Variants in TUSC3 observed in about 807,000 individuals in gnomAD.
TUSC3 encodes dolichyl-diphosphooligosaccharide--protein glycosyltransferase subunit TUSC3.
TUSC3 carries 45 observed loss-of-function variants against 44.8 expected under a neutral mutation model. That is an observed-to-expected ratio of 1.00 (90% CI 0.79 to 1.29). The LOEUF (loss-of-function observed/expected upper bound fraction) is 1.29. Ranked by LOEUF, TUSC3 falls within the 50% of genes most tolerant of loss-of-function variation. The pLI is 0.00. For synonymous variants in TUSC3, 212 were observed against 152.9 expected (o/e 1.39, Z -2.85); for missense variants, 519 against 437.9 (o/e 1.19, Z -1.65).
chr8:15,650,604 C>G lies in TUSC3; in HGVS notation c.309-93C>G. On this transcript the variant is annotated intron_variant, in intron 2 of 10. Coordinates refer to ENST00000503731, the MANE Select transcript of TUSC3 (RefSeq NM_006765.4). ...TTCTTACAGTCTGTACAAAAACTGG[C>G]CAGTGCTTGTCCTAGGGTTGTCTGT... 3 of 1,023,302 alleles carry G rather than the reference C, an allele frequency of 2.9e-6. No individual in the cohort carries two copies. The South Asian group carries it at 4.0e-5, about 14-fold the overall frequency. The allele number at this position is 1,023,302 out of a possible 1,614,324, so 63.4% of individuals were successfully genotyped here. A position where few individuals can be genotyped will look rare whatever the true frequency, so the allele number is the denominator to read the frequency against.
chr8:15,612,233 C>T (rs73193386), intron 1 of TUSC3, among the ~76,000 whole-genome samples: 1 of 152,218 alleles, frequency 6.6e-6, no homozygotes, highest in Non-Finnish European at 1.5e-5. Context: ...GGTAAACAAA[C>T]ACGTGAATAG....
At chr8:15,593,976 C>T (rs1332874638) in intron 1 of TUSC3, among the ~76,000 whole-genome samples, 1 of 152,142 alleles carries the variant, frequency 6.6e-6, no homozygotes, top group African/African-American at 2.4e-5. Context: ...GTCACTCTTT[C>T]TGCATAACTA....
At chr8:15,740,512 C>T (rs1288777540) in intron 7 of TUSC3, among the ~76,000 whole-genome samples, 6 of 148,764 alleles carry the variant, frequency 4.0e-5, no homozygotes, top group East Asian at 3.9e-4. Context: ...TTTGGAAAAA[C>T]GGGAGGAAAA....
intron 2 of TUSC3, among the ~76,000 whole-genome samples, chr8:15,532,078 T>C (rs1801458360): frequency 6.6e-6 from 1 of 152,212 alleles, no homozygotes; most frequent in South Asian, 2.1e-4. Context: ...TGTATATATG[T>C]CAAATGCACC....
At chr8:15,537,295 T>C (rs1335426188), upstream of TUSC3, among the ~76,000 whole-genome samples, 2 of 152,194 alleles carry the variant, frequency 1.3e-5, no homozygotes, top group Non-Finnish European at 2.9e-5. Context: ...ATTTTATCCA[T>C]AGCCTGGAAG....
chr8:15,631,668 T>TTGTGTGTGTGTGTG (rs147004169), intron 2 of TUSC3, among the ~76,000 whole-genome samples: 1 of 145,114 alleles, frequency 6.9e-6, no homozygotes, highest in Non-Finnish European at 1.5e-5. Context: ...TTTAAGGCTG[T>TTGTGTGTGTGTGTG]TGTGTGTGTG....
chr8:15,773,538 A>C, the TUSC3 span, among the ~76,000 whole-genome samples: 6 of 152,178 alleles, frequency 3.9e-5, no homozygotes, highest in African/African-American at 1.4e-4. Context: ...TGATCTACAA[A>C]TTCAATTTCC....
intron 2 of TUSC3, among the ~76,000 whole-genome samples, chr8:15,491,349 G>A (rs550075270): frequency 1.3e-5 from 2 of 152,220 alleles, no homozygotes; most frequent in South Asian, 4.1e-4. Context: ...GAGGTATGTA[G>A]CTATCTAGGA....
At chr8:15,634,002 T>C (rs1254310338) in intron 2 of TUSC3, among the ~76,000 whole-genome samples, 1 of 152,190 alleles carries the variant, frequency 6.6e-6, no homozygotes, top group East Asian at 1.9e-4. Context: ...ATCTGAAGGC[T>C]AGCCTCATTT....
chr8:15,571,145 G>A (rs1802861102), intron 1 of TUSC3, among the ~76,000 whole-genome samples: 1 of 151,292 alleles, frequency 6.6e-6, no homozygotes, highest in South Asian at 2.1e-4. Context: ...GTAGAGATGG[G>A]GTTTCACCCT....
intron 1 of TUSC3, among the ~76,000 whole-genome samples, chr8:15,594,270 T>C (rs1803976581): frequency 6.6e-6 from 1 of 152,206 alleles, no homozygotes; most frequent in East Asian, 1.9e-4. Flanking sequence ...TCTTTAGAAG[T>C]TTGGCTCTTT....
At chr8:15,730,613 A>C (rs1215445273) in intron 6 of TUSC3, 53 bp from the exon 7 acceptor site, 3 of 1,574,704 alleles carry the variant, frequency 1.9e-6, no homozygotes, top group Non-Finnish European at 2.6e-6. Context: ...TAAAACTACA[A>C]AATAATTATG....
At chr8:15,441,261 G>T (rs1311153567) in intron 1 of TUSC3, among the ~76,000 whole-genome samples, 1 of 152,088 alleles carries the variant, frequency 6.6e-6, no homozygotes, top group Non-Finnish European at 1.5e-5. Flanking sequence ...ACAAAAATTA[G>T]TCGGGCATGG....
chr8:15,841,220 T>C, the TUSC3 span, among the ~76,000 whole-genome samples: 1 of 152,174 alleles, frequency 6.6e-6, no homozygotes, highest in African/African-American at 2.4e-5. Context: ...CTTCAGTTTC[T>C]GTATGTCCAG....
chr8:15,623,099 T>C lies in TUSC3; in HGVS notation c.158T>C (p.Val53Ala), dbSNP rs998087183. ...TTGCAGAATCTTTTAGCTGAAAAAG[T>C]AGAGCAGCTGATGGAATGGAGTTCC... The part of the protein sequence containing the change: ...KKKENLLAEK[V>A]EQLMEWSSRR... Residue 53 changes from valine (V) to alanine (A), a missense_variant, in exon 2 of 11, where the codon GTA becomes GCA. Transcript: ENST00000503731. 6 of 1,613,762 alleles carry C rather than the reference T, an allele frequency of 3.7e-6. No homozygotes were observed. In the African/African-American group the frequency reaches 6.7e-5, roughly 18 times the overall value.
At chr8:15,715,544 C>G (rs529096899) in intron 6 of TUSC3, among the ~76,000 whole-genome samples, 3 of 152,240 alleles carry the variant, frequency 2.0e-5, no homozygotes, top group East Asian at 3.9e-4. Context: ...CATCACACTA[C>G]TCGGAACAGC....
Position 15,630,014 on chromosome 8 carries a change from C to CT in TUSC3, c.308+6774dup, listed in dbSNP as rs34085255. Reference sequence around the variant, plus strand: ...ACCTCCCTTAAGTGTTAGCTCCAAACTTTTTTTTTAAATCAAATTATACTG... The same window carrying CT: ...ACCTCCCTTAAGTGTTAGCTCCAAACTTTTTTTTTTAAATCAAATTATACTG... On this transcript the variant is annotated intron_variant, in intron 2 of 10. Coordinates refer to ENST00000503731, the MANE Select transcript of TUSC3 (RefSeq NM_006765.4). Among the ~76,000 whole-genome samples, 11 of 151,704 alleles carry CT rather than the reference C, an allele frequency of 7.3e-5. No homozygotes were observed. The East Asian group carries it at 1.8e-3, about 24-fold the overall frequency.
chr8:15,837,952 G>C, the TUSC3 span, among the ~76,000 whole-genome samples: 16 of 152,308 alleles, frequency 1.1e-4, no homozygotes, highest in East Asian at 2.9e-3. Flanking sequence ...TGAAAGAAGA[G>C]TCTAAGGTTG....
intron 2 of TUSC3, among the ~76,000 whole-genome samples, chr8:15,487,662 G>A (rs571980110): frequency 9.2e-5 from 14 of 152,208 alleles, no homozygotes; most frequent in African/African-American, 3.4e-4. Context: ...TATAAGTGCT[G>A]TACCACCTAA....
Sources: allele counts gnomAD v4.1 joint callset (sites outside exome capture counted in the v4.1 genomes callset), GRCh38; gene constraint gnomAD v4.1.1; transcripts MANE v1.5; gene names NCBI Gene and HGNC (gene_info 2026-07-23, HGNC 2026-07-21).